Variants in TSHZ2 observed in about 807,000 individuals in gnomAD.
TSHZ2 encodes the protein teashirt homolog 2.
TSHZ2 carries 21 observed loss-of-function variants against 74.4 expected under a neutral mutation model. The observed-to-expected ratio is 0.28, with a 90% confidence interval of 0.20 to 0.41. The LOEUF is 0.41. Ranked by LOEUF, TSHZ2 falls within the 10% of genes least tolerant of loss-of-function variation. The pLI is 1.00. For missense variants in TSHZ2, 1,244 were observed against 1,293.5 expected (o/e 0.96, Z 0.59); for synonymous variants, 540 against 515.3 (o/e 1.05, Z -0.65).
At chr20:53,059,334 C>A (rs1425949052) in intron 1 of TSHZ2, among the ~76,000 whole-genome samples, 1 of 152,128 alleles carries the variant, frequency 6.6e-6, no homozygotes, top group East Asian at 1.9e-4. Flanking sequence ...ATGCATAAAC[C>A]TTTCTCACAT....
intron 2 of TSHZ2, among the ~76,000 whole-genome samples, chr20:53,451,612 T>C (rs1410531353): frequency 2.0e-5 from 3 of 152,234 alleles, no homozygotes; most frequent in Non-Finnish European, 4.4e-5. Context: ...GTAAAAACTC[T>C]TCTTATAGAA....
chr20:53,387,005 G>A (rs1305733417), intron 2 of TSHZ2, among the ~76,000 whole-genome samples: 1 of 151,964 alleles, frequency 6.6e-6, no homozygotes, highest in East Asian at 1.9e-4. Flanking sequence ...GGTGTACCTT[G>A]GAATTAACCC....
At chr20:53,031,946 AAAGGAAGGAAGG>A (rs1346001294) in intron 1 of TSHZ2, among the ~76,000 whole-genome samples, 1 of 152,130 alleles carries the variant, frequency 6.6e-6, no homozygotes, top group Non-Finnish European at 1.5e-5. Context: ...GGAAAGGAAG[AAAGGAAGGAAGG>A]AAGATAGGAA....
chr20:53,398,230 A>G (rs747607347), intron 2 of TSHZ2: 14 of 152,214 alleles, frequency 9.2e-5, no homozygotes, highest in Non-Finnish European at 1.8e-4. Context: ...AGTCAAAACC[A>G]GTACTTGAAC....
intron 1 of TSHZ2, among the ~76,000 whole-genome samples, chr20:53,062,946 G>A (rs1030567507): frequency 6.6e-6 from 1 of 152,050 alleles, no homozygotes; most frequent in African/African-American, 2.4e-5. Flanking sequence ...CCATGGCAGG[G>A]TTATTAATTG....
Position 53,433,576 on chromosome 20 carries a change from G to GACAC in TSHZ2, c.*9-53564_*9-53561dup, listed in dbSNP as rs1281093463. On this transcript the variant is annotated intron_variant, in intron 2 of 2. Transcript: ENST00000371497. ...CAGAACAAACCAACACAGACACACAGACACACAGACACACACACACACACA... is the reference window on the plus strand; with the variant it reads ...CAGAACAAACCAACACAGACACACAGACACACACACAGACACACACACACACACA... Among the ~76,000 whole-genome samples, 155 of 76,752 alleles carry GACAC rather than the reference G, an allele frequency of 2.0e-3. 1 individual carries two copies. Among genetic ancestry groups the GACAC allele is most frequent in the African/African-American group, 4.6e-3 (86 of 18,828 alleles). 50.4% of individuals were successfully genotyped at this position (76,752 alleles called of 152,430 possible).
At chr20:53,035,153 C>A (rs1355154647) in intron 1 of TSHZ2, among the ~76,000 whole-genome samples, 1 of 152,214 alleles carries the variant, frequency 6.6e-6, no homozygotes, top group Non-Finnish European at 1.5e-5. Context: ...GCCCACACGA[C>A]TACAAGCCTG....
intron 1 of TSHZ2, among the ~76,000 whole-genome samples, chr20:53,144,401 C>T (rs1987486831): frequency 6.6e-6 from 1 of 152,198 alleles, no homozygotes. Context: ...TGAACAATGA[C>T]AGCTTGGAGG....
chr20:53,077,149 A>G (rs928055906), intron 1 of TSHZ2, among the ~76,000 whole-genome samples: 2 of 152,198 alleles, frequency 1.3e-5, no homozygotes, highest in Admixed American at 1.3e-4. Flanking sequence ...ACGATGGCCC[A>G]TGCCTGTAAT....
chr20:52,999,714 A>T (rs1982343420), intron 1 of TSHZ2, among the ~76,000 whole-genome samples: 2 of 152,184 alleles, frequency 1.3e-5, no homozygotes, highest in Admixed American at 6.5e-5. Flanking sequence ...TTTCAAAAAA[A>T]AGTCATGTGC....
Position 53,074,793 on chromosome 20 carries a change from G to A in TSHZ2, c.40+101460G>A, listed in dbSNP as rs185526103. 9.4e-4 allele frequency among the ~76,000 whole-genome samples: 143 copies of A among 152,278 alleles called. 1 individual carries two copies. The South Asian group carries it at 0.013, about 13-fold the overall frequency. On this transcript the variant is annotated intron_variant, in intron 1 of 2. Coordinates refer to ENST00000371497, the MANE Select transcript of TSHZ2 (RefSeq NM_173485.6). The surrounding 1 kb of genome is among the most constrained non-coding windows in gnomAD (Gnocchi z 5.9). Reference sequence around the variant, plus strand: ...GAAGGAACTAGCATGTGTATTACTCGTTTTTCAACAGAGATATGTATTGTT... The same window carrying A: ...GAAGGAACTAGCATGTGTATTACTCATTTTTCAACAGAGATATGTATTGTT...
intron 1 of TSHZ2, among the ~76,000 whole-genome samples, chr20:53,045,886 T>C (rs1199509905): frequency 2.6e-5 from 4 of 152,188 alleles, no homozygotes; most frequent in Admixed American, 6.5e-5. Context: ...ACCTTTAACT[T>C]ACACACACAA....
At chr20:53,480,069 GTTT>G (rs71194484) in intron 2 of TSHZ2, among the ~76,000 whole-genome samples, 26,996 of 127,626 alleles carry the variant, frequency 0.21, 2,738 homozygotes, top group East Asian at 0.31. Flanking sequence ...CCAGGTTTTT[GTTT>G]TTTTTTTTTT....
At chr20:53,124,458 A>G (rs1003180770) in intron 1 of TSHZ2, among the ~76,000 whole-genome samples, 9 of 152,232 alleles carry the variant, frequency 5.9e-5, no homozygotes, top group African/African-American at 2.2e-4. Context: ...TGTTGTCCTA[A>G]TCTGAGAGAC....
At chr20:53,390,080 G>A (rs201813) in intron 2 of TSHZ2, among the ~76,000 whole-genome samples, 1 of 152,256 alleles carries the variant, frequency 6.6e-6, no homozygotes. Flanking sequence ...CAGAGAGAGC[G>A]ACTTTAGGGA....
chr20:53,060,681 G>C (rs1417090807), intron 1 of TSHZ2, among the ~76,000 whole-genome samples: 1 of 152,106 alleles, frequency 6.6e-6, no homozygotes, highest in Non-Finnish European at 1.5e-5. Context: ...AGTAAAAATG[G>C]GTTAACTAAA....
intron 2 of TSHZ2, among the ~76,000 whole-genome samples, chr20:53,341,083 C>A (rs1419650683): frequency 6.6e-6 from 1 of 152,160 alleles, no homozygotes; most frequent in Non-Finnish European, 1.5e-5. Context: ...GTGTTCCTAG[C>A]CCCCTTCTAT....
intron 1 of TSHZ2, among the ~76,000 whole-genome samples, chr20:52,975,898 A>G (rs1169020191): frequency 1.3e-5 from 2 of 152,162 alleles, no homozygotes; most frequent in Non-Finnish European, 1.5e-5. Flanking sequence ...GGCCATACTA[A>G]CTTTTATCAC....
rs554876892 is a variant in TSHZ2, at chr20:53,288,970, C to T, written c.*8+32399C>T. ...GTAGTCTTTTATCCCTCACCACCCC[C>T]CACCCTTTGCCCTGAGTCCCCAAAG... On this transcript the variant is annotated intron_variant, in intron 2 of 2. Transcript: ENST00000371497. 1.1e-4 allele frequency among the ~76,000 whole-genome samples: 17 copies of T among 152,238 alleles called. No individual in the cohort carries two copies. The East Asian group carries it at 3.1e-3, about 28-fold the overall frequency.
Sources: allele counts gnomAD v4.1 joint callset (sites outside exome capture counted in the v4.1 genomes callset), GRCh38; gene constraint gnomAD v4.1.1; non-coding constraint Gnocchi (gnomAD v3.1); transcripts MANE v1.5; gene names NCBI Gene and HGNC (gene_info 2026-07-23, HGNC 2026-07-21).